Variants in FRMD5 observed in about 807,000 individuals in gnomAD.
FRMD5 encodes FERM domain containing 5, also known as FERM domain-containing protein 5.
A neutral mutation model predicts 69.0 loss-of-function variants in FRMD5; 20 were observed. The observed-to-expected ratio is 0.29, with a 90% CI of 0.20 to 0.42. FRMD5 has a LOEUF of 0.42. FRMD5 is among the 10% of genes least tolerant of loss of function. FRMD5 has a pLI of 1.00. For synonymous variants in FRMD5, 271 were observed against 260.1 expected, an observed-to-expected ratio of 1.04 and a Z score of -0.40; for missense variants, 595 against 708.6, an observed-to-expected ratio of 0.84 and a Z score of 1.82.
chr15:43,935,575 C>G (rs2089746506), intron 1 of FRMD5, among the ~76,000 whole-genome samples: 1 of 152,106 alleles, frequency 6.6e-6, no homozygotes, highest in Admixed American at 6.6e-5. Flanking sequence ...ACCAGGTCCC[C>G]AGAGCATCAG....
intron 7 of FRMD5, among the ~76,000 whole-genome samples, chr15:43,893,244 G>A (rs1300061333): frequency 6.6e-6 from 1 of 152,120 alleles, no homozygotes; most frequent in Non-Finnish European, 1.5e-5. Context: ...GGCCCCTCAG[G>A]AAAGTTTAGC....
intron 1 of FRMD5, among the ~76,000 whole-genome samples, chr15:44,015,260 T>C (rs762349989): frequency 3.6e-4 from 55 of 152,168 alleles, no homozygotes; most frequent in Middle Eastern, 6.8e-3. Flanking sequence ...CTCAGCTTCT[T>C]GAGTAGCTAG....
chr15:43,965,573 AGT>A (rs1491481522), intron 1 of FRMD5, among the ~76,000 whole-genome samples: 1 of 148,834 alleles, frequency 6.7e-6, no homozygotes, highest in African/African-American at 2.5e-5. Flanking sequence ...TCTTTTAAAA[AGT>A]CTTTTTTTTT....
chr15:44,113,780 T>G (rs1234567059), intron 1 of FRMD5, among the ~76,000 whole-genome samples: 1 of 152,202 alleles, frequency 6.6e-6, no homozygotes, highest in East Asian at 1.9e-4. Context: ...TTATATTCTC[T>G]GATCATCAGT....
chr15:44,023,950 C>T (rs1415961396), intron 1 of FRMD5, among the ~76,000 whole-genome samples: 6 of 152,008 alleles, frequency 3.9e-5, no homozygotes, highest in African/African-American at 1.4e-4. Flanking sequence ...CCTAACAAGA[C>T]CTGCCTTGCA....
At chr15:43,946,300 C>T (rs989314352) in intron 1 of FRMD5, among the ~76,000 whole-genome samples, 17 of 152,142 alleles carry the variant, frequency 1.1e-4, no homozygotes, top group African/African-American at 3.6e-4. Context: ...TATGTGTGTG[C>T]GTGTATAGCA....
intron 1 of FRMD5, among the ~76,000 whole-genome samples, chr15:43,965,306 T>G (rs975460874): frequency 6.6e-6 from 1 of 152,190 alleles, no homozygotes; most frequent in Non-Finnish European, 1.5e-5. Context: ...TGATGTGCAC[T>G]AGGATGATAT....
At chr15:44,121,045 A>C (rs960616966) in intron 1 of FRMD5, among the ~76,000 whole-genome samples, 12 of 152,132 alleles carry the variant, frequency 7.9e-5, no homozygotes, top group African/African-American at 2.9e-4. Flanking sequence ...GAAAACACAG[A>C]GTGAGAAATG....
intron 13 of FRMD5, among the ~76,000 whole-genome samples, chr15:43,882,503 C>T (rs777966510): frequency 4.9e-4 from 74 of 152,154 alleles, no homozygotes; most frequent in Non-Finnish European, 6.2e-4. Flanking sequence ...GGATTACAGG[C>T]GTGCATCACC....
At chr15:43,912,427 T>C (rs1025709604) in intron 4 of FRMD5, among the ~76,000 whole-genome samples, 5 of 152,116 alleles carry the variant, frequency 3.3e-5, no homozygotes, top group Non-Finnish European at 7.3e-5. Flanking sequence ...TGAGCACTTC[T>C]CTGCCTCTCA....
At chr15:43,968,867 T>C (rs1275587116) in intron 1 of FRMD5, among the ~76,000 whole-genome samples, 1 of 152,182 alleles carries the variant, frequency 6.6e-6, no homozygotes, top group Non-Finnish European at 1.5e-5. Flanking sequence ...AATTTTAAAG[T>C]TAGTAACGGA....
At chr15:43,981,548 T>C (rs2090548819) in intron 1 of FRMD5, among the ~76,000 whole-genome samples, 1 of 152,150 alleles carries the variant, frequency 6.6e-6, no homozygotes, top group East Asian at 1.9e-4. Context: ...TGGAAATACA[T>C]TGTAATTTTT....
chr15:43,976,273 TAAAA>T (rs1484434219), intron 1 of FRMD5, among the ~76,000 whole-genome samples: 1 of 151,980 alleles, frequency 6.6e-6, no homozygotes, highest in Non-Finnish European at 1.5e-5. Context: ...TGTCTACTCA[TAAAA>T]TAAATGGATA....
chr15:44,005,307 C>T (rs1006207038), intron 1 of FRMD5, among the ~76,000 whole-genome samples: 6 of 151,694 alleles, frequency 4.0e-5, no homozygotes, highest in African/African-American at 1.5e-4. Context: ...ATGGTGAAAC[C>T]CCGTCTCTAC....
At chr15:43,945,898 A>C (rs1044966889) in intron 1 of FRMD5, among the ~76,000 whole-genome samples, 1 of 152,144 alleles carries the variant, frequency 6.6e-6, no homozygotes, top group Non-Finnish European at 1.5e-5. Flanking sequence ...TCTACTAAAA[A>C]TACAAGAATT....
At chr15:44,144,909 G>A (rs1204050495) in intron 1 of FRMD5, among the ~76,000 whole-genome samples, 2 of 152,148 alleles carry the variant, frequency 1.3e-5, no homozygotes, top group Non-Finnish European at 2.9e-5. Flanking sequence ...TAAGTGCAGG[G>A]TTGGTATGCA....
intron 1 of FRMD5, among the ~76,000 whole-genome samples, chr15:43,949,532 T>C (rs1037785376): frequency 6.6e-6 from 1 of 152,162 alleles, no homozygotes; most frequent in African/African-American, 2.4e-5. Context: ...AAACAAATGG[T>C]CCTAGAAGCC....
At chr15:44,141,709 T>C (rs2077276158) in intron 1 of FRMD5, among the ~76,000 whole-genome samples, 1 of 152,162 alleles carries the variant, frequency 6.6e-6, no homozygotes, top group African/African-American at 2.4e-5. Context: ...AGAACTGAAT[T>C]CTCCTTGTAA....
At chr15:43,879,948 G>C (rs1310985016) in intron 13 of FRMD5, 5 of 282,204 alleles carry the variant, frequency 1.8e-5, no homozygotes, top group Non-Finnish European at 3.3e-5. Flanking sequence ...GAAGCACTTA[G>C]AGCCATAAAA....
Sources: allele counts gnomAD v4.1 joint callset (sites outside exome capture counted in the v4.1 genomes callset), GRCh38; gene constraint gnomAD v4.1.1; transcripts MANE v1.5; gene names NCBI Gene and HGNC (gene_info 2026-07-23, HGNC 2026-07-21).